Variants in FBXO4 observed in about 807,000 individuals in gnomAD.
The protein encoded by FBXO4 is F-box protein 4, also known as F-box only protein 4.
In FBXO4, 36 loss-of-function variants were observed where a neutral mutation model predicts 43.7. The ratio of observed to expected loss-of-function variants is 0.82; its 90% CI spans 0.63 to 1.09. The LOEUF (loss-of-function observed/expected upper bound fraction) is 1.09. FBXO4 is among the 50% of genes least tolerant of loss of function. The pLI is 0.00. For synonymous variants in FBXO4, 180 were observed against 165.6 expected (o/e 1.09, Z -0.67); for missense variants, 435 against 474.1 (o/e 0.92, Z 0.77).
At chr5:42,036,458 C>T in the FBXO4 span, among the ~76,000 whole-genome samples, 1 of 152,210 alleles carries the variant, frequency 6.6e-6, no homozygotes, top group African/African-American at 2.4e-5. Flanking sequence ...AAAATGTTTA[C>T]TCTATGGCCC....
the FBXO4 span, among the ~76,000 whole-genome samples, chr5:41,993,441 C>G: frequency 6.6e-6 from 1 of 151,856 alleles, no homozygotes; most frequent in African/African-American, 2.4e-5. Flanking sequence ...CACGTAGTTA[C>G]AATTTTTTTT....
chr5:41,985,267 C>G, the FBXO4 span, among the ~76,000 whole-genome samples: 1 of 152,266 alleles, frequency 6.6e-6, no homozygotes, highest in African/African-American at 2.4e-5. Flanking sequence ...ACTAAACCAT[C>G]TCTTTATTAA....
At chr5:41,951,558 G>A in the FBXO4 span, 1 of 251,922 alleles carries the variant, frequency 4.0e-6, no homozygotes, top group Non-Finnish European at 7.6e-6. Flanking sequence ...GCAGCAACCT[G>A]CTCTTTCTTT....
chr5:41,976,887 CA>C, the FBXO4 span, among the ~76,000 whole-genome samples: 6 of 152,250 alleles, frequency 3.9e-5, no homozygotes, highest in African/African-American at 1.4e-4. Flanking sequence ...GCCCTGTTAA[CA>C]GGATTCGCAT....
the FBXO4 span, among the ~76,000 whole-genome samples, chr5:42,001,167 G>T: frequency 1.3e-5 from 2 of 152,152 alleles, no homozygotes; most frequent in Non-Finnish European, 2.9e-5. Context: ...AATTTGGGTA[G>T]TATGAAAATT....
the FBXO4 span, among the ~76,000 whole-genome samples, chr5:42,036,708 T>C: frequency 6.6e-6 from 1 of 152,092 alleles, no homozygotes; most frequent in Admixed American, 6.6e-5. Context: ...AGTGGCGAGA[T>C]GCTGGACTGG....
the FBXO4 span, among the ~76,000 whole-genome samples, chr5:42,006,892 ATATATATATATATATATATATATATG>A: frequency 2.4e-5 from 3 of 125,900 alleles, no homozygotes; most frequent in Non-Finnish European, 5.0e-5. Flanking sequence ...ATGCTGATAT[ATATATATATATATATATATATATATG>A]TATATACACA....
intron 2 of FBXO4, chr5:41,928,664 TA>T (rs1751589961): frequency 1.3e-5 from 2 of 152,568 alleles, no homozygotes; most frequent in African/African-American, 4.8e-5. Flanking sequence ...GCTCAAATAA[TA>T]CAGATGAAGA....
the FBXO4 span, among the ~76,000 whole-genome samples, chr5:42,022,297 T>TG: frequency 9.2e-5 from 14 of 152,274 alleles, no homozygotes; most frequent in African/African-American, 3.4e-4. Context: ...TCATATGCAC[T>TG]GAATAAGCCA....
At position 41,925,313 on chromosome 5, in the gene FBXO4, G is replaced by C; in HGVS notation, c.4G>C (p.Ala2Pro). The C allele has an allele frequency of 7.5e-7, 1 of 1,339,952 alleles. No homozygotes were observed. Among genetic ancestry groups the C allele is most frequent in the Non-Finnish European group, 9.6e-7 (1 of 1,040,140 alleles). 83.0% of individuals were successfully genotyped at this position (1,339,952 alleles called of 1,614,324 possible). The stretch of plus-strand genomic sequence containing the variant: ...TCACCCACGCTGCGGGCAAGCCATG[G>C]CGGGAAGCGAGCCGCGCAGCGGAAC... M[A>P]GSEPRSGTNS... The change falls in exon 1 of 7, where the codon GCG (alanine) becomes CCG (proline). Residue 2 changes from alanine to proline, a missense_variant. Transcript: ENST00000281623.
At chr5:41,945,494 G>T (rs1401019679), downstream of FBXO4, among the ~76,000 whole-genome samples, 5 of 151,138 alleles carry the variant, frequency 3.3e-5, no homozygotes, top group African/African-American at 1.2e-4. Flanking sequence ...TTGCATGCAG[G>T]GTTGGGTAAA....
chr5:41,945,759 C>G (rs979836924), downstream of FBXO4, among the ~76,000 whole-genome samples: 1 of 152,162 alleles, frequency 6.6e-6, no homozygotes. Context: ...TTCTAGGCCT[C>G]TTTAGGGTTA....
At chr5:41,945,000 C>T (rs1338157951), downstream of FBXO4, among the ~76,000 whole-genome samples, 2 of 152,142 alleles carry the variant, frequency 1.3e-5, no homozygotes, top group Non-Finnish European at 2.9e-5. Context: ...AAGGATTTGA[C>T]AAGTTGTGTC....
chr5:41,939,834 A>ATTTTTTTT (rs60238550), intron 6 of FBXO4, among the ~76,000 whole-genome samples: 55 of 79,332 alleles, frequency 6.9e-4, no homozygotes, highest in South Asian at 8.8e-4. Flanking sequence ...ACAATTGGGG[A>ATTTTTTTT]TTTTTTTTTT....
chr5:41,941,134 C>T, intron 6 of FBXO4, 58 bp from the exon 7 acceptor site: 25 of 1,346,312 alleles, frequency 1.9e-5, no homozygotes, highest in Non-Finnish European at 2.6e-5. Context: ...GTCCCTCCTA[C>T]TCATAAGATT....
At chr5:42,016,135 CTG>C in the FBXO4 span, among the ~76,000 whole-genome samples, 1 of 152,098 alleles carries the variant, frequency 6.6e-6, no homozygotes, top group Non-Finnish European at 1.5e-5. Context: ...AGCTAGAAAA[CTG>C]TTAATTTTCA....
At chr5:41,968,970 G>A in the FBXO4 span, among the ~76,000 whole-genome samples, 15 of 152,050 alleles carry the variant, frequency 9.9e-5, no homozygotes, top group African/African-American at 2.9e-4. Context: ...TTTTTAAAGC[G>A]TGTTATTTAT....
chr5:41,989,153 C>T, the FBXO4 span, among the ~76,000 whole-genome samples: 1 of 152,034 alleles, frequency 6.6e-6, no homozygotes, highest in Non-Finnish European at 1.5e-5. Context: ...CTGATATATC[C>T]CTTTTACCCT....
chr5:41,957,909 A>C, the FBXO4 span, among the ~76,000 whole-genome samples: 1 of 152,096 alleles, frequency 6.6e-6, no homozygotes, highest in African/African-American at 2.4e-5. Flanking sequence ...TGGAGATATG[A>C]GTTAATCTAG....
Sources: gnomAD v4.1 joint callset for allele counts (sites outside exome capture counted in the v4.1 genomes callset) on GRCh38, gnomAD v4.1.1 for gene constraint, MANE v1.5 for transcripts, NCBI Gene and HGNC (gene_info 2026-07-23, HGNC 2026-07-21) for gene names.